Variants in PTPRD observed in about 807,000 individuals in gnomAD.
PTPRD encodes the protein receptor-type tyrosine-protein phosphatase delta.
A neutral mutation model predicts 214.5 loss-of-function variants in PTPRD; 34 were observed. That is an observed-to-expected ratio of 0.16 (90% confidence interval 0.12 to 0.21). The LOEUF is 0.21. PTPRD is among the 10% of genes least tolerant of loss of function. The pLI is 1.00. For synonymous variants in PTPRD, 1,128 were observed against 845.7 expected (o/e 1.33, Z -5.79); for missense variants, 2,545 against 2,398.7 (o/e 1.06, Z -1.27).
intron 2 of PTPRD, among the ~76,000 whole-genome samples, chr9:10,513,821 A>T (rs1464386061): frequency 6.6e-6 from 1 of 152,154 alleles, no homozygotes; most frequent in East Asian, 1.9e-4. Context: ...CAAATCACTG[A>T]TCACTGGGGA....
chr9:8,633,369 G>C lies in PTPRD; in HGVS notation c.300C>G (p.Ala100=), dbSNP rs770265357. 2 of 1,612,720 alleles carry C rather than the reference G, an allele frequency of 1.2e-6. No individual in the cohort carries two copies. Among genetic ancestry groups the C allele is most frequent in the Non-Finnish European group, 1.7e-6 (2 of 1,179,100 alleles). The stretch of plus-strand genomic sequence containing the variant: ...CACTTATTTCTCCCACATTATTTGA[G>C]GCCACACATTCATAAATGGCCTCAT... ...PRDEAIYECV[A]SNNVGEISVS... Residue 100 remains alanine, a synonymous_variant, in exon 14 of 46, where the codon GCC becomes GCG. Coordinates refer to ENST00000381196, the MANE Select transcript of PTPRD (RefSeq NM_002839.4).
intron 7 of PTPRD, among the ~76,000 whole-genome samples, chr9:9,660,425 T>C (rs948502416): frequency 2.0e-5 from 3 of 151,970 alleles, no homozygotes; most frequent in East Asian, 3.9e-4. Context: ...CCTGGGTCAG[T>C]GAGTAGTAGA....
intron 7 of PTPRD, among the ~76,000 whole-genome samples, chr9:9,705,838 T>C (rs2097590661): frequency 6.6e-6 from 1 of 152,156 alleles, no homozygotes; most frequent in Non-Finnish European, 1.5e-5. Flanking sequence ...ATGACATTAA[T>C]ATTTACTCAA....
chr9:10,144,228 C>G (rs2099007350), intron 3 of PTPRD, among the ~76,000 whole-genome samples: 1 of 152,080 alleles, frequency 6.6e-6, no homozygotes, highest in African/African-American at 2.4e-5. Context: ...TAGATCAGTG[C>G]AGTCATTATA....
At chr9:9,710,362 G>C (rs765509306) in intron 7 of PTPRD, among the ~76,000 whole-genome samples, 4 of 151,954 alleles carry the variant, frequency 2.6e-5, no homozygotes, top group Admixed American at 2.6e-4. Flanking sequence ...AGAGGTACTT[G>C]TACTTACAAT....
At chr9:9,116,375 C>G (rs1202129827) in intron 10 of PTPRD, among the ~76,000 whole-genome samples, 1 of 152,004 alleles carries the variant, frequency 6.6e-6, no homozygotes, top group African/African-American at 2.4e-5. Flanking sequence ...GAATGGAAAA[C>G]CAAATACCAC....
chr9:10,374,836 C>G (rs2097696836), intron 2 of PTPRD, among the ~76,000 whole-genome samples: 2 of 151,936 alleles, frequency 1.3e-5, no homozygotes, highest in South Asian at 4.1e-4. Context: ...GAAAACAGTA[C>G]TGATGTAATT....
chr9:8,755,446 T>A (rs1028949330), intron 11 of PTPRD, among the ~76,000 whole-genome samples: 29 of 151,438 alleles, frequency 1.9e-4, no homozygotes, highest in African/African-American at 6.8e-4. Flanking sequence ...GGAGAATCAC[T>A]TGAACCTGGC....
chr9:10,110,891 C>T (rs772710637), intron 3 of PTPRD, among the ~76,000 whole-genome samples: 3 of 152,138 alleles, frequency 2.0e-5, no homozygotes, highest in Non-Finnish European at 4.4e-5. Flanking sequence ...TAAAGCTTAA[C>T]AAGAATTTTA....
chr9:8,864,038 A>T (rs531860520), intron 11 of PTPRD, among the ~76,000 whole-genome samples: 49 of 152,286 alleles, frequency 3.2e-4, no homozygotes, highest in African/African-American at 1.1e-3. Flanking sequence ...CAGAGACCAA[A>T]AACTGATGAA....
At chr9:9,023,582 G>A (rs2099576684) in intron 10 of PTPRD, among the ~76,000 whole-genome samples, 1 of 151,850 alleles carries the variant, frequency 6.6e-6, no homozygotes, top group African/African-American at 2.4e-5. Context: ...CCATGTGCAG[G>A]TTTGTTACAG....
intron 26 of PTPRD, among the ~76,000 whole-genome samples, chr9:8,495,804 C>G (rs1025897378): frequency 1.3e-5 from 2 of 152,186 alleles, no homozygotes; most frequent in African/African-American, 4.8e-5. Context: ...ATACCTTGCA[C>G]ACAGTTACAA....
intron 22 of PTPRD, among the ~76,000 whole-genome samples, chr9:8,506,550 G>A (rs569106999): frequency 1.2e-4 from 18 of 152,154 alleles, no homozygotes; most frequent in Admixed American, 2.6e-4. Context: ...CCACTAGTGC[G>A]AGACTTTGAG....
At chr9:8,680,043 C>A (rs898699692) in intron 12 of PTPRD, among the ~76,000 whole-genome samples, 2 of 152,058 alleles carry the variant, frequency 1.3e-5, no homozygotes, top group Admixed American at 6.6e-5. Flanking sequence ...AATATTGAAA[C>A]ATTTCTTATA....
chr9:10,199,466 T>C (rs1342542923), intron 3 of PTPRD, among the ~76,000 whole-genome samples: 3 of 152,004 alleles, frequency 2.0e-5, no homozygotes, highest in African/African-American at 7.2e-5. Context: ...GTGAAAACTT[T>C]AGGCATCAGG....
intron 7 of PTPRD, among the ~76,000 whole-genome samples, chr9:9,602,171 T>C (rs1274139793): frequency 6.6e-6 from 1 of 152,052 alleles, no homozygotes; most frequent in Non-Finnish European, 1.5e-5. Flanking sequence ...TTTTCAATAA[T>C]TGTGAAAACC....
intron 7 of PTPRD, among the ~76,000 whole-genome samples, chr9:9,646,992 TG>T (rs1296712597): frequency 6.6e-6 from 1 of 152,180 alleles, no homozygotes; most frequent in Non-Finnish European, 1.5e-5. Flanking sequence ...TATACTGTTG[TG>T]GACATTTATA....
intron 14 of PTPRD, among the ~76,000 whole-genome samples, chr9:8,600,074 T>G (rs2094744642): frequency 6.6e-6 from 1 of 152,050 alleles, no homozygotes; most frequent in South Asian, 2.1e-4. Context: ...AGCCTGGTAG[T>G]GTAAGGAATC....
intron 5 of PTPRD, among the ~76,000 whole-genome samples, chr9:9,803,434 T>G (rs1424524722): frequency 6.6e-6 from 1 of 151,974 alleles, no homozygotes; most frequent in Non-Finnish European, 1.5e-5. Context: ...AATTATTTAT[T>G]TTCTTAAATT....
Sources: allele counts gnomAD v4.1 joint callset (sites outside exome capture counted in the v4.1 genomes callset), GRCh38; gene constraint gnomAD v4.1.1; transcripts MANE v1.5; gene names NCBI Gene and HGNC (gene_info 2026-07-23, HGNC 2026-07-21).